Variants in PTK2 observed in about 807,000 individuals in gnomAD.
PTK2 encodes the protein focal adhesion kinase 1.
PTK2 carries 45 observed loss-of-function variants against 150.1 expected under a neutral mutation model. The observed-to-expected ratio is 0.30, with a 90% CI of 0.24 to 0.38. The LOEUF is 0.38. PTK2 is among the 10% of genes least tolerant of loss of function. The pLI is 1.00. For synonymous variants in PTK2, 432 were observed against 449.2 expected (o/e 0.96, Z 0.48); for missense variants, 919 against 1,307.3 (o/e 0.70, Z 4.58).
exon 24 of PTK2, chr8:140,706,200 G>A (rs1591382013): frequency 8.7e-6 from 14 of 1,611,838 alleles, no homozygotes; most frequent in Non-Finnish European, 1.2e-5. Flanking sequence ...AACCCGGTCT[G>A]CTGGGCTGTA....
intron 27 of PTK2, among the ~76,000 whole-genome samples, chr8:140,682,946 G>A (rs1227579136): frequency 2.6e-5 from 4 of 151,996 alleles, no homozygotes; most frequent in Non-Finnish European, 5.9e-5. Context: ...TGAGTAACTA[G>A]AAAAACAAGA....
chr8:140,833,265 G>A (rs544696077), intron 7 of PTK2, among the ~76,000 whole-genome samples: 6 of 152,100 alleles, frequency 3.9e-5, no homozygotes, highest in African/African-American at 7.2e-5. Flanking sequence ...AATTTGTAAC[G>A]TTTGTCCATA....
chr8:140,767,469 T>G (rs551759255), intron 14 of PTK2, among the ~76,000 whole-genome samples: 179 of 152,178 alleles, frequency 1.2e-3, no homozygotes, highest in Non-Finnish European at 1.5e-3. Context: ...TATGGTAATA[T>G]CTGGTGTATA....
intron 20 of PTK2, among the ~76,000 whole-genome samples, chr8:140,739,762 G>T (rs1384482689): frequency 6.6e-6 from 1 of 152,162 alleles, no homozygotes; most frequent in Admixed American, 6.5e-5. Flanking sequence ...AGCCTGAGCT[G>T]CTGGCTCTGC....
chr8:140,747,048 GC>G, intron 17 of PTK2, 188 bp from the exon 21 acceptor site: 1 of 489,744 alleles, frequency 2.0e-6, no homozygotes, highest in Non-Finnish European at 3.6e-6. Flanking sequence ...CCACCACCAC[GC>G]CCGGCTAATT....
chr8:140,961,732 C>T (rs1437628187), intron 1 of PTK2, among the ~76,000 whole-genome samples: 1 of 151,632 alleles, frequency 6.6e-6, no homozygotes, highest in African/African-American at 2.4e-5. Context: ...TACTAGAGAG[C>T]TCACCTAACA....
At chr8:140,921,673 G>C (rs1018545336) in intron 2 of PTK2, among the ~76,000 whole-genome samples, 1 of 152,090 alleles carries the variant, frequency 6.6e-6, no homozygotes, top group African/African-American at 2.4e-5. Context: ...AAGAATTTGA[G>C]GTAGCCACAT....
chr8:140,881,182 C>G (rs1010393635), intron 3 of PTK2, among the ~76,000 whole-genome samples: 1 of 152,136 alleles, frequency 6.6e-6, no homozygotes, highest in Non-Finnish European at 1.5e-5. Flanking sequence ...GCCCAGAATT[C>G]CTGACAGGGC....
intron 2 of PTK2, among the ~76,000 whole-genome samples, chr8:140,902,884 C>A (rs1347688528): frequency 7.5e-6 from 1 of 133,022 alleles, no homozygotes; most frequent in African/African-American, 2.8e-5. Context: ...CAAAAATTTT[C>A]TCCCATTCTG....
At chr8:140,764,682 T>C (rs1417626966) in intron 14 of PTK2, among the ~76,000 whole-genome samples, 1 of 152,196 alleles carries the variant, frequency 6.6e-6, no homozygotes, top group Non-Finnish European at 1.5e-5. Flanking sequence ...AAGACTGGTA[T>C]CTATAAAACA....
chr8:140,901,287 C>G (rs1222007451), intron 2 of PTK2, among the ~76,000 whole-genome samples: 1 of 152,268 alleles, frequency 6.6e-6, no homozygotes, highest in East Asian at 1.9e-4. Context: ...GAATTAAAGA[C>G]TCAACTCTAA....
At position 140,744,820 on chromosome 8, in the gene PTK2, G is replaced by C. The variant is rs2100057805; in HGVS notation, c.1519-53C>G. The C allele has an allele frequency of 2.8e-6, 3 of 1,064,336 alleles. No individual in the cohort carries two copies. In the African/African-American group the frequency reaches 4.8e-5, roughly 17 times the overall value. 65.9% of individuals were successfully genotyped at this position (1,064,336 alleles called of 1,614,324 possible). ...AAAAAAAAAAAGAATTAGTGGCAGT[G>C]AATCGAAATCAAAAGCAAAAAAGCT... is the stretch of plus-strand genomic sequence containing the variant. On this transcript the variant is annotated intron_variant, in intron 18 of 31. Transcript: ENST00000522684.
At chr8:140,735,381 G>C in exon 22 of PTK2, 1 of 1,614,018 alleles carries the variant, frequency 6.2e-7, no homozygotes, top group Non-Finnish European at 8.5e-7. Flanking sequence ...TTTTCAATTC[G>C]ACCGATTACA....
intron 1 of PTK2, among the ~76,000 whole-genome samples, chr8:140,976,114 T>C (rs548130374): frequency 6.6e-6 from 1 of 152,318 alleles, no homozygotes; most frequent in African/African-American, 2.4e-5. Flanking sequence ...AAATAAGGAC[T>C]TGAGAAGCAC....
At chr8:140,866,019 G>A (rs915554447) in intron 4 of PTK2, among the ~76,000 whole-genome samples, 3 of 152,134 alleles carry the variant, frequency 2.0e-5, no homozygotes, top group Admixed American at 6.5e-5. Flanking sequence ...TCCTGAGTCA[G>A]TTCAACAAAT....
chr8:140,810,833 T>C (rs956721768), intron 10 of PTK2, among the ~76,000 whole-genome samples: 5 of 152,176 alleles, frequency 3.3e-5, no homozygotes, highest in African/African-American at 1.2e-4. Flanking sequence ...GATTCTCCCC[T>C]ACCCACAGCA....
chr8:140,998,622 C>G (rs1007430365), intron 1 of PTK2, among the ~76,000 whole-genome samples: 1 of 151,650 alleles, frequency 6.6e-6, no homozygotes, highest in Non-Finnish European at 1.5e-5. Context: ...ATCGAGACCA[C>G]CCTGGCTAAC....
chr8:140,998,837 AC>A (rs1395946578), intron 1 of PTK2, among the ~76,000 whole-genome samples: 22 of 151,846 alleles, frequency 1.4e-4, no homozygotes, highest in Middle Eastern at 3.4e-3. Flanking sequence ...AAAAAAAAAA[AC>A]TATTTTCTTA....
chr8:140,851,685 C>T (rs2100129318), intron 5 of PTK2, among the ~76,000 whole-genome samples: 1 of 152,078 alleles, frequency 6.6e-6, no homozygotes, highest in Non-Finnish European at 1.5e-5. Flanking sequence ...ATGGCAAAAA[C>T]ATCTCTCTAC....
Sources: gnomAD v4.1 joint callset for allele counts (sites outside exome capture counted in the v4.1 genomes callset) on GRCh38, gnomAD v4.1.1 for gene constraint, MANE v1.5 for transcripts, NCBI Gene and HGNC (gene_info 2026-07-23, HGNC 2026-07-21) for gene names.